The following MYO5B variants were observed in gnomAD, a reference collection of about 807,000 sequenced individuals.
MYO5B encodes the protein myosin VB, also known as unconventional myosin-Vb.
A neutral mutation model predicts 229.3 loss-of-function variants in MYO5B; 143 were observed. The ratio of observed to expected loss-of-function variants is 0.62; its 90% confidence interval spans 0.54 to 0.72. MYO5B has a LOEUF of 0.72. Ranked by LOEUF, MYO5B falls within the 30% of genes least tolerant of loss-of-function variation. The pLI, the probability that MYO5B is intolerant of heterozygous loss-of-function variation, is 0.00. For missense variants in MYO5B, 2,321 were observed against 2,331.0 expected (o/e 1.00, Z 0.09); for synonymous variants, 918 against 885.2 (o/e 1.04, Z -0.66).
intron 17 of MYO5B, among the ~76,000 whole-genome samples, chr18:49,918,981 A>G (rs1174680955): frequency 6.6e-6 from 1 of 152,208 alleles, no homozygotes; most frequent in East Asian, 1.9e-4. Context: ...GACATGCGGT[A>G]TGGTGGCTCT....
intron 22 of MYO5B, among the ~76,000 whole-genome samples, chr18:49,890,412 C>T (rs1164039689): frequency 1.3e-5 from 2 of 152,170 alleles, no homozygotes; most frequent in Non-Finnish European, 2.9e-5. Context: ...TTGCAGGCAA[C>T]ATTACTCAGT....
intron 22 of MYO5B, among the ~76,000 whole-genome samples, chr18:49,884,661 C>G (rs1298163976): frequency 2.0e-5 from 3 of 152,128 alleles, no homozygotes; most frequent in Non-Finnish European, 4.4e-5. Flanking sequence ...AAGCCTTGCT[C>G]ACTTGCCCAC....
At chr18:49,951,526 C>T (rs1463312836) in intron 14 of MYO5B, among the ~76,000 whole-genome samples, 2 of 152,186 alleles carry the variant, frequency 1.3e-5, no homozygotes, top group Non-Finnish European at 2.9e-5. Context: ...AGCAGCTCAG[C>T]TATTAATAAA....
At chr18:50,062,902 C>G (rs1014820764) in intron 1 of MYO5B, among the ~76,000 whole-genome samples, 11 of 152,188 alleles carry the variant, frequency 7.2e-5, no homozygotes, top group African/African-American at 2.4e-4. Flanking sequence ...TAAGAGTCTA[C>G]ACTTCTGAGG....
At chr18:49,936,883 G>A (rs553645243) in intron 15 of MYO5B, among the ~76,000 whole-genome samples, 21 of 152,222 alleles carry the variant, frequency 1.4e-4, no homozygotes, top group African/African-American at 4.6e-4. Flanking sequence ...CCCACAGCAG[G>A]AGAAGTTGCT....
chr18:50,138,549 A>G (rs2032605438), intron 1 of MYO5B, among the ~76,000 whole-genome samples: 1 of 152,108 alleles, frequency 6.6e-6, no homozygotes, highest in Non-Finnish European at 1.5e-5. Flanking sequence ...GATTCCATTT[A>G]GGAGGAGGAT....
At position 49,872,151 on chromosome 18, in the gene MYO5B, C is replaced by A; in HGVS notation, c.3603+16G>T. The A allele has an allele frequency of 6.2e-7, 1 of 1,613,266 alleles. No individual in the cohort carries two copies. Among genetic ancestry groups the A allele is most frequent in the Non-Finnish European group, 8.5e-7 (1 of 1,179,438 alleles). On this transcript the variant is annotated intron_variant, in intron 27 of 39. Transcript: ENST00000285039. The stretch of plus-strand genomic sequence containing the variant: ...CAGGGGAGTGTTCCAGGAAGCCTGT[C>A]CCCCAAGAATCTTACCTTCAGACTA...
chr18:50,048,761 G>A (rs1488898749), intron 2 of MYO5B, among the ~76,000 whole-genome samples: 1 of 152,128 alleles, frequency 6.6e-6, no homozygotes, highest in Non-Finnish European at 1.5e-5. Flanking sequence ...GGTGGCTCAT[G>A]CCTGTAATCC....
rs137885194 is a variant in MYO5B, at chr18:50,136,271, C to T, written c.27+58496G>A. Among the ~76,000 whole-genome samples, 10 of 151,978 alleles carry T rather than the reference C, an allele frequency of 6.6e-5. 1 individual carries two copies. The highest frequency in any genetic ancestry group is 2.2e-4 in the African/African-American group (9 of 41,474). On this transcript the variant is annotated intron_variant, in intron 1 of 39. Transcript: ENST00000285039. ...GGAACGCTTTCAACTGGAGTGGCCA[C>T]GTTAGGGTCTAAGATACACCCATAA... is the stretch of plus-strand genomic sequence containing the variant.
chr18:50,047,634 T>C (rs980812165), intron 2 of MYO5B, among the ~76,000 whole-genome samples: 1 of 152,132 alleles, frequency 6.6e-6, no homozygotes, highest in Non-Finnish European at 1.5e-5. Context: ...TAAAGACACA[T>C]GCACACGTAT....
intron 1 of MYO5B, among the ~76,000 whole-genome samples, chr18:50,072,676 G>A (rs968900384): frequency 6.6e-6 from 1 of 152,330 alleles, no homozygotes; most frequent in African/African-American, 2.4e-5. Context: ...TAACAGTGTA[G>A]TTAAGCAGGC....
intron 1 of MYO5B, among the ~76,000 whole-genome samples, chr18:50,166,945 T>C (rs1304788952): frequency 6.6e-6 from 1 of 152,244 alleles, no homozygotes; most frequent in Non-Finnish European, 1.5e-5. Flanking sequence ...ACTGCCAATC[T>C]TGAATGCACA....
chr18:50,075,623 C>T (rs1310098714), intron 1 of MYO5B, among the ~76,000 whole-genome samples: 1 of 152,148 alleles, frequency 6.6e-6, no homozygotes, highest in African/African-American at 2.4e-5. Context: ...CACTTTCCAC[C>T]AGTGCTACAC....
At chr18:50,076,375 C>T (rs983329352) in intron 1 of MYO5B, among the ~76,000 whole-genome samples, 7 of 152,054 alleles carry the variant, frequency 4.6e-5, no homozygotes, top group Non-Finnish European at 8.8e-5. Flanking sequence ...GCACCAGCCA[C>T]CAAAGACACA....
intron 1 of MYO5B, among the ~76,000 whole-genome samples, chr18:50,081,565 C>G (rs920500625): frequency 2.6e-5 from 4 of 152,116 alleles, no homozygotes; most frequent in Non-Finnish European, 5.9e-5. Context: ...AGCTCTCTCC[C>G]AAATAAAGGG....
chr18:50,144,303 A>G (rs1012158033), intron 1 of MYO5B, among the ~76,000 whole-genome samples: 2 of 152,122 alleles, frequency 1.3e-5, no homozygotes, highest in African/African-American at 4.8e-5. Flanking sequence ...ATAAAGACCT[A>G]CCTCATCTTG....
At chr18:50,060,096 A>G (rs1241123109) in intron 1 of MYO5B, among the ~76,000 whole-genome samples, 3 of 152,218 alleles carry the variant, frequency 2.0e-5, no homozygotes, top group Non-Finnish European at 4.4e-5. Context: ...GTAACCAGAC[A>G]GAGATGGTGG....
intron 9 of MYO5B, among the ~76,000 whole-genome samples, chr18:49,976,008 C>T (rs2025746591): frequency 6.6e-6 from 1 of 152,228 alleles, no homozygotes; most frequent in South Asian, 2.1e-4. Flanking sequence ...CCACTTGGGG[C>T]ACTCTGAGAA....
chr18:49,944,270 C>T (rs767354273), intron 14 of MYO5B, among the ~76,000 whole-genome samples: 1 of 152,132 alleles, frequency 6.6e-6, no homozygotes, highest in African/African-American at 2.4e-5. Flanking sequence ...CTGTACGTAG[C>T]ATAGTCAGGA....
Sources: allele counts gnomAD v4.1 joint callset (sites outside exome capture counted in the v4.1 genomes callset), GRCh38; gene constraint gnomAD v4.1.1; transcripts MANE v1.5; gene names NCBI Gene and HGNC (gene_info 2026-07-23, HGNC 2026-07-21).